Variants in NACC2 observed in about 807,000 individuals in gnomAD.
NACC2 encodes the protein NACC family member 2.
A neutral mutation model predicts 25.1 loss-of-function variants in NACC2; 8 were observed. The observed-to-expected ratio is 0.32, with a 90% CI of 0.19 to 0.57. The LOEUF (loss-of-function observed/expected upper bound fraction) is 0.57, where lower values mean the gene tolerates loss of function less well. NACC2 is among the 20% of genes least tolerant of loss of function. The pLI, the probability that NACC2 is intolerant of heterozygous loss-of-function variation, is 0.89. For missense variants in NACC2, 644 were observed against 650.2 expected, an observed-to-expected ratio of 0.99 and a Z score of 0.10; for synonymous variants, 435 against 294.7, an observed-to-expected ratio of 1.48 and a Z score of -4.88.
chr9:136,032,057 T>C (rs1234909140), intron 2 of NACC2, among the ~76,000 whole-genome samples: 1 of 142,606 alleles, frequency 7.0e-6, no homozygotes, highest in Non-Finnish European at 1.5e-5. Context: ...ACAGAAGGGA[T>C]GATTTCCCTC....
intron 1 of NACC2, among the ~76,000 whole-genome samples, chr9:136,074,496 A>G (rs961214314): frequency 3.7e-5 from 4 of 108,920 alleles, no homozygotes; most frequent in African/African-American, 6.6e-5. Context: ...AAAGTTCTTC[A>G]TTCCAGAAAC....
intron 1 of NACC2, among the ~76,000 whole-genome samples, chr9:136,062,076 C>T (rs1231600089): frequency 1.3e-5 from 2 of 151,530 alleles, no homozygotes; most frequent in Non-Finnish European, 2.9e-5. Flanking sequence ...GCCGAGATTG[C>T]ACCACTGTAC....
rs1015792372 is a variant in NACC2, at chr9:136,035,126, C to G, written c.886+14510G>C. Among the ~76,000 whole-genome samples the G allele has an allele frequency of 3.3e-3, 505 of 151,974 alleles. 7 individuals carry two copies. The highest frequency in any genetic ancestry group is 0.012 in the African/African-American group (484 of 41,454). On this transcript the variant is annotated intron_variant, in intron 2 of 5. Coordinates refer to ENST00000277554, the MANE Select transcript of NACC2 (RefSeq NM_144653.5). ...AAACAAAAACCAATCCTATTTGCACCCATCAGAGAGCAGTACCTGATTCAG... is the reference window on the plus strand; with the variant it reads ...AAACAAAAACCAATCCTATTTGCACGCATCAGAGAGCAGTACCTGATTCAG...
At chr9:136,052,699 C>A (rs1210671638) in intron 1 of NACC2, among the ~76,000 whole-genome samples, 1 of 152,192 alleles carries the variant, frequency 6.6e-6, no homozygotes, top group Non-Finnish European at 1.5e-5. Context: ...CAACCAGGAG[C>A]CGGAAGGGGC....
Position 136,008,270 on chromosome 9 carries a change from C to T in NACC2, c.*3246G>A, listed in dbSNP as rs543859801. On this transcript the variant is annotated 3_prime_UTR_variant, in exon 6 of 6. Coordinates refer to ENST00000277554, the MANE Select transcript of NACC2 (RefSeq NM_144653.5). ...ACAGTATCTGTCACACCTCCGGTCC[C>T]TCCTGGACCTCTCCATGCAACCCAG... 2.3e-4 allele frequency: 35 copies of T among 152,420 alleles called. No homozygotes were observed. The highest frequency in any genetic ancestry group is 6.7e-4 in the African/African-American group (28 of 41,590). The allele number at this position is 152,420 out of a possible 1,614,324, so 9.4% of individuals were successfully genotyped here.
chr9:136,080,629 C>G (rs1282610139), intron 1 of NACC2, among the ~76,000 whole-genome samples: 1 of 152,110 alleles, frequency 6.6e-6, no homozygotes, highest in Non-Finnish European at 1.5e-5. Flanking sequence ...CATCCCCCAC[C>G]CCACAGACCG....
At chr9:136,051,363 A>C (rs1364804590) in intron 1 of NACC2, among the ~76,000 whole-genome samples, 1 of 151,380 alleles carries the variant, frequency 6.6e-6, no homozygotes, top group Non-Finnish European at 1.5e-5. Context: ...GACGCCCCCC[A>C]CCCCGCTCGC....
intron 2 of NACC2, among the ~76,000 whole-genome samples, chr9:136,030,711 G>C (rs1465778026): frequency 6.6e-6 from 1 of 152,132 alleles, no homozygotes; most frequent in Non-Finnish European, 1.5e-5. Context: ...ACCCAGGTTG[G>C]AGTGCAGTGG....
At chr9:136,064,950 T>TG (rs770973895) in intron 1 of NACC2, among the ~76,000 whole-genome samples, 1 of 152,172 alleles carries the variant, frequency 6.6e-6, no homozygotes, top group Non-Finnish European at 1.5e-5. Flanking sequence ...GACCATTCAA[T>TG]GGGGAAAGAA....
chr9:136,048,048 G>A (rs1025230999), intron 2 of NACC2, among the ~76,000 whole-genome samples: 39 of 152,326 alleles, frequency 2.6e-4, no homozygotes, highest in Non-Finnish European at 5.1e-4. Context: ...TCCCTGACCC[G>A]TCGGCAACCC....
rs1186039906 is a variant in NACC2 at position 136,013,847 on chromosome 9, C to A, written c.1157+17G>T. The A allele has an allele frequency of 6.2e-7, 1 of 1,609,810 alleles. No individual in the cohort carries two copies. On this transcript the variant is annotated intron_variant, in intron 4 of 5. Transcript: ENST00000277554. This position sits in a 1 kb window ranked among gnomAD's most constrained non-coding sequence, Gnocchi z 6.6. ...CGCAGCTCCATTGTGCCCTCCAGCA[C>A]TCCTGCCCCGACCTACCTGTCAAAG...
chr9:136,083,121 C>G (rs538204380), intron 1 of NACC2, among the ~76,000 whole-genome samples: 1 of 152,228 alleles, frequency 6.6e-6, no homozygotes, highest in East Asian at 1.9e-4. Context: ...CCCTCTTCCT[C>G]GATGCCAGAA....
intron 2 of NACC2, among the ~76,000 whole-genome samples, chr9:136,016,781 G>A (rs1240696628): frequency 6.6e-6 from 1 of 152,202 alleles, no homozygotes; most frequent in African/African-American, 2.4e-5. Flanking sequence ...TTGCCGGGCA[G>A]GAGTGACAGC....
At chr9:136,075,165 GTGCAGCAGGC>G (rs1163814171) in intron 1 of NACC2, among the ~76,000 whole-genome samples, 2 of 152,240 alleles carry the variant, frequency 1.3e-5, no homozygotes, top group African/African-American at 2.4e-5. Flanking sequence ...CCAGGTGTGG[GTGCAGCAGGC>G]TGCAACGCCC....
At chr9:136,052,244 A>G (rs1022200712) in intron 1 of NACC2, among the ~76,000 whole-genome samples, 2 of 152,184 alleles carry the variant, frequency 1.3e-5, no homozygotes, top group South Asian at 2.1e-4. Flanking sequence ...TAGTGGAGAA[A>G]TGCTTCCCGG....
intron 1 of NACC2, 128 bp from the exon 2 acceptor site, chr9:136,050,708 C>A: frequency 1.6e-6 from 1 of 618,362 alleles, no homozygotes; most frequent in African/African-American, 1.8e-5. Flanking sequence ...GCGCCCTCCC[C>A]CGCCCCTCCT....
chr9:136,014,573 G>A (rs1012803527), intron 3 of NACC2, among the ~76,000 whole-genome samples: 4 of 152,142 alleles, frequency 2.6e-5, no homozygotes, highest in African/African-American at 9.7e-5. Context: ...ACAGGAGGAG[G>A]GGCACTGCAC....
chr9:136,042,703 C>G (rs1483744239), intron 2 of NACC2, among the ~76,000 whole-genome samples: 6 of 150,806 alleles, frequency 4.0e-5, no homozygotes, highest in Non-Finnish European at 5.9e-5. Flanking sequence ...GACACACACA[C>G]AGACACAGAG....
chr9:136,033,112 A>C (rs1479756027), intron 2 of NACC2, among the ~76,000 whole-genome samples: 1 of 151,640 alleles, frequency 6.6e-6, no homozygotes, highest in Non-Finnish European at 1.5e-5. Flanking sequence ...GGAGGTGGAG[A>C]CTGCAGTGAG....
Sources: gnomAD v4.1 joint callset for allele counts (sites outside exome capture counted in the v4.1 genomes callset) on GRCh38, gnomAD v4.1.1 for gene constraint, Gnocchi (gnomAD v3.1) non-coding constraint, MANE v1.5 for transcripts, NCBI Gene and HGNC (gene_info 2026-07-23, HGNC 2026-07-21) for gene names.